ADCY7: variants seen among roughly 807,000 people sequenced by gnomAD.
The protein encoded by ADCY7 is adenylate cyclase type 7.
Under a neutral mutation model 120.6 loss-of-function variants are expected in ADCY7, and 72 were observed. The observed-to-expected ratio is 0.60, with a 90% CI of 0.49 to 0.73. ADCY7 has a LOEUF of 0.73. Ranked by LOEUF, ADCY7 falls within the 30% of genes least tolerant of loss-of-function variation. ADCY7 has a pLI of 0.00. For missense variants in ADCY7, 1,227 were observed against 1,486.0 expected (o/e 0.83, Z 2.87); for synonymous variants, 661 against 628.0 (o/e 1.05, Z -0.78).
At chr16:50,275,331 C>A (rs2033818220) in intron 1 of ADCY7, among the ~76,000 whole-genome samples, 3 of 152,148 alleles carry the variant, frequency 2.0e-5, no homozygotes, top group Admixed American at 1.3e-4. Context: ...TAAGTGGGGC[C>A]CCCAGCATTA....
chr16:50,287,214 C>T (rs1326545708), intron 1 of ADCY7, among the ~76,000 whole-genome samples: 1 of 151,568 alleles, frequency 6.6e-6, no homozygotes, highest in Non-Finnish European at 1.5e-5. Flanking sequence ...GGGGTTTTAC[C>T]ACGTGGGCCA....
intron 10 of ADCY7, among the ~76,000 whole-genome samples, chr16:50,303,858 T>G (rs2035889585): frequency 6.6e-6 from 1 of 152,102 alleles, no homozygotes; most frequent in Non-Finnish European, 1.5e-5. Flanking sequence ...CCTGGCTGCT[T>G]CTCACAGGAA....
chr16:50,317,508 T>C lies in ADCY7; in HGVS notation c.*2003T>C, dbSNP rs2036858887. 3 of 152,364 alleles carry C rather than the reference T, an allele frequency of 2.0e-5. No individual in the cohort carries two copies. The highest frequency in any genetic ancestry group is 6.5e-5 in the Admixed American group (1 of 15,288). The allele number at this position is 152,364 out of a possible 1,614,324, so 9.4% of individuals were successfully genotyped here. A position where few individuals can be genotyped will look rare whatever the true frequency, so the allele number is the denominator to read the frequency against. ...TGTACTCTTGGAATATTTGTTTTTT[T>C]CTTCAGTAACAACAGAAACCCCAGT... On this transcript the variant is annotated 3_prime_UTR_variant, in exon 26 of 26. Transcript: ENST00000673801.
intron 1 of ADCY7, among the ~76,000 whole-genome samples, chr16:50,279,179 CTCT>C (rs2034100261): frequency 1.3e-5 from 2 of 152,132 alleles, no homozygotes; most frequent in Non-Finnish European, 2.9e-5. Context: ...GTCTATGGAG[CTCT>C]TCTTGTACCT....
Position 50,315,881 on chromosome 16 carries a change from G to A in ADCY7, c.*376G>A, listed in dbSNP as rs556719417. The A allele has an allele frequency of 5.0e-6, 1 of 198,654 alleles. No individual in the cohort carries two copies. The highest frequency in any genetic ancestry group is 5.1e-5 in the Admixed American group (1 of 19,464). 12.3% of individuals were successfully genotyped at this position (198,654 alleles called of 1,614,324 possible). A position where few individuals can be genotyped will look rare whatever the true frequency, so the allele number is the denominator to read the frequency against. ...GTGGCCTGTGGGCACGCACAAGTGA[G>A]GTCTGTTTTTCTAGACACCAAGGGG... On this transcript the variant is annotated 3_prime_UTR_variant, in exon 26 of 26. Coordinates refer to ENST00000673801, the MANE Select transcript of ADCY7 (RefSeq NM_001114.5).
intron 1 of ADCY7, among the ~76,000 whole-genome samples, chr16:50,283,456 A>G (rs1414172604): frequency 1.3e-5 from 2 of 152,226 alleles, no homozygotes; most frequent in African/African-American, 4.8e-5. Flanking sequence ...GCAGAAGTCC[A>G]AAGAGAGCCT....
chr16:50,282,516 G>T (rs1016719590), intron 1 of ADCY7, among the ~76,000 whole-genome samples: 4 of 152,138 alleles, frequency 2.6e-5, no homozygotes, highest in African/African-American at 9.7e-5. Context: ...CCTGGAGTTC[G>T]CTGGCCTGAA....
intron 1 of ADCY7, among the ~76,000 whole-genome samples, chr16:50,278,857 GAT>G (rs2034066742): frequency 1.4e-5 from 1 of 70,676 alleles, no homozygotes; most frequent in Non-Finnish European, 3.1e-5. Context: ...CCGTGAAATG[GAT>G]CTCTCTCTCT....
chr16:50,259,407 C>T (rs1220223156), intron 1 of ADCY7, among the ~76,000 whole-genome samples: 6 of 152,212 alleles, frequency 3.9e-5, no homozygotes, highest in Admixed American at 1.3e-4. Context: ...TCTGGTGCGG[C>T]CCAGCTGCCA....
In ADCY7 at chr16:50,293,460, A is replaced by G; in HGVS notation, c.794A>G (p.Asn265Ser). ...EHGDRRCMPD[N>S]NFHSLYVKRH... ...GGTGACCGTCGCTGCATGCCTGACA[A>G]CAACTTCCACAGCCTCTACGTCAAG... is the stretch of plus-strand genomic sequence containing the variant. The change falls in exon 6 of 26, where the codon AAC becomes AGC. Residue 265 changes from asparagine (N) to serine (S), a missense_variant. Asn to Ser is a conservative substitution (Grantham distance 46). Around this residue, in one of 5 missense-constraint regions of ADCY7, gnomAD observed 382 missense variants for 411.4 expected, o/e 0.93. Transcript: ENST00000673801. The G allele has an allele frequency of 1.2e-6, 2 of 1,614,026 alleles. No individual in the cohort carries two copies. The highest frequency in any genetic ancestry group is 1.1e-5 in the South Asian group (1 of 91,086).
rs770049085 is a variant in ADCY7 at position 50,305,820 on chromosome 16, A to G, written c.1723A>G (p.Ile575Val). 2 of 1,613,780 alleles carry G rather than the reference A, an allele frequency of 1.2e-6. No homozygotes were observed. Among genetic ancestry groups the G allele is most frequent in the Non-Finnish European group, 1.7e-6 (2 of 1,179,998 alleles). Residue 575 changes from isoleucine to valine, a missense_variant, in exon 14 of 26, where the codon ATC becomes GTC. Transcript: ENST00000673801. ...CGATGACTTCTACACCTTTGGGTCCATCTTCCTGGAGAAGGGCTTTGAGCG... is the reference window on the plus strand; with the variant it reads ...CGATGACTTCTACACCTTTGGGTCCGTCTTCCTGGAGAAGGGCTTTGAGCG... ...KSDDFYTFGS[I>V]FLEKGFEREY...
intron 19 of ADCY7, among the ~76,000 whole-genome samples, chr16:50,311,433 G>A (rs112608611): frequency 1.7e-4 from 26 of 152,256 alleles, no homozygotes; most frequent in African/African-American, 3.1e-4. Context: ...CCAGTTCTGG[G>A]CTCCCTTCAG....
rs200194609 is a variant in ADCY7, at chr16:50,293,493, A to G, written c.827A>G (p.Gln276Arg). The G allele has an allele frequency of 7.1e-5, 114 of 1,613,924 alleles. No homozygotes were observed. The highest frequency in any genetic ancestry group is 4.8e-4 in the South Asian group (44 of 91,086). The change falls in exon 6 of 26, where the codon CAG becomes CGG. Residue 276 changes from glutamine (Q) to arginine (R), a missense_variant. Around this residue, in one of 5 missense-constraint regions of ADCY7, gnomAD observed 382 missense variants for 411.4 expected, o/e 0.93. Transcript: ENST00000673801. Reference sequence around the variant, plus strand: ...CACAGCCTCTACGTCAAGAGGCACCAGAATGTCAGGTGGGCGGTGAGACGT... The same window carrying G: ...CACAGCCTCTACGTCAAGAGGCACCGGAATGTCAGGTGGGCGGTGAGACGT... ...NFHSLYVKRH[Q>R]NVSILYADIV...
At chr16:50,277,258 A>G (rs1177933196) in intron 1 of ADCY7, among the ~76,000 whole-genome samples, 2 of 152,250 alleles carry the variant, frequency 1.3e-5, no homozygotes, top group African/African-American at 2.4e-5. Context: ...TAATGCTTCA[A>G]TGACTAATCT....
intron 1 of ADCY7, among the ~76,000 whole-genome samples, chr16:50,246,699 C>T (rs1198737658): frequency 1.3e-5 from 2 of 152,208 alleles, no homozygotes; most frequent in Admixed American, 6.5e-5. Context: ...CCCTCGGTGG[C>T]CAAAGGGGAC....
In ADCY7 at chr16:50,313,964, C is replaced by G. The variant is rs1167367658; in HGVS notation, c.2758C>G (p.Leu920Val). 6.2e-7 allele frequency: 1 copy of G among 1,613,546 alleles called. No homozygotes were observed. The highest frequency in any genetic ancestry group is 1.3e-5 in the African/African-American group (1 of 75,066). The part of the protein sequence containing the change: ...EIIADFDELL[L>V]KPKFSGVEKI... ...GCTTCCTTCTTGCCTGCAGCTCCTA[C>G]TGAAGCCCAAGTTCAGCGGCGTGGA... The change falls in exon 23 of 26, where the codon CTG becomes GTG. Residue 920 changes from leucine (L) to valine (V), a missense_variant. Physicochemically the swap from Leu to Val is conservative, Grantham distance 32. This residue lies in a region of ADCY7 where 244 missense variants were observed against 332.8 expected (regional missense o/e 0.73). Transcript: ENST00000673801.
At chr16:50,313,612 G>A (rs1011877847) in intron 22 of ADCY7, 19 of 261,520 alleles carry the variant, frequency 7.3e-5, no homozygotes, top group East Asian at 6.8e-4. Flanking sequence ...CTAAGCCCAC[G>A]CTATCAACCA....
chr16:50,282,040 G>A (rs560277113), intron 1 of ADCY7, among the ~76,000 whole-genome samples: 8 of 152,290 alleles, frequency 5.3e-5, no homozygotes, highest in Admixed American at 5.2e-4. Flanking sequence ...GCCTGAGCGG[G>A]GCCTCTTCCC....
chr16:50,277,675 T>G (rs1377496917), intron 1 of ADCY7, among the ~76,000 whole-genome samples: 1 of 149,546 alleles, frequency 6.7e-6, no homozygotes, highest in African/African-American at 2.5e-5. Context: ...TAGGTTTTTT[T>G]TTTTTTTTTT....
Sources: allele counts gnomAD v4.1 joint callset (sites outside exome capture counted in the v4.1 genomes callset), GRCh38; gene constraint gnomAD v4.1.1; regional missense constraint gnomAD v4.1.1; transcripts MANE v1.5; gene names NCBI Gene and HGNC (gene_info 2026-07-23, HGNC 2026-07-21).